MRAS: variants seen among roughly 807,000 people sequenced by gnomAD.
The protein encoded by MRAS is ras-related protein M-Ras.
A neutral mutation model predicts 20.9 loss-of-function variants in MRAS; 4 were observed. The observed-to-expected ratio is 0.19, with a 90% CI of 0.09 to 0.44. The LOEUF (loss-of-function observed/expected upper bound fraction) is 0.44, where lower values mean the gene tolerates loss of function less well. Ranked by LOEUF, MRAS falls within the 20% of genes least tolerant of loss-of-function variation. The pLI, the probability that MRAS is intolerant of heterozygous loss-of-function variation, is 0.99. For missense variants in MRAS, 154 were observed against 277.5 expected, an observed-to-expected ratio of 0.56 and a Z score of 3.16; for synonymous variants, 98 against 102.9, an observed-to-expected ratio of 0.95 and a Z score of 0.29.
intron 1 of MRAS, among the ~76,000 whole-genome samples, chr3:138,367,279 C>T (rs2054580148): frequency 6.6e-6 from 1 of 152,166 alleles, no homozygotes; most frequent in African/African-American, 2.4e-5. Context: ...CTTACACCTT[C>T]CTGGGGCCTT....
In MRAS at chr3:138,353,994, C is replaced by T. The variant is rs117850611; in HGVS notation, c.-19+5227C>T. 2.4e-3 allele frequency among the ~76,000 whole-genome samples: 372 copies of T among 152,306 alleles called. 5 individuals carry two copies. In the East Asian group the frequency reaches 0.052, roughly 21 times the overall value. On this transcript the variant is annotated intron_variant, in intron 1 of 5. Coordinates refer to ENST00000423968, the MANE Select transcript of MRAS (RefSeq NM_001085049.3). The stretch of plus-strand genomic sequence containing the variant: ...GACCAAAAATGTCATGATCCCTTCT[C>T]TCCTGGTGCTTAGGGGACCTATCCC...
chr3:138,357,882 G>T (rs2054367250), intron 1 of MRAS, among the ~76,000 whole-genome samples: 1 of 152,218 alleles, frequency 6.6e-6, no homozygotes, highest in Non-Finnish European at 1.5e-5. Flanking sequence ...GAATGTCTCT[G>T]TGGCTGTCTC....
chr3:138,386,775 G>A (rs958739764), intron 2 of MRAS, among the ~76,000 whole-genome samples: 5 of 152,132 alleles, frequency 3.3e-5, no homozygotes, highest in South Asian at 2.1e-4. Context: ...GAGCCACCGC[G>A]TTCGGCCATA....
At chr3:138,362,673 C>T (rs1276120513) in intron 1 of MRAS, among the ~76,000 whole-genome samples, 1 of 152,182 alleles carries the variant, frequency 6.6e-6, no homozygotes, top group Non-Finnish European at 1.5e-5. Flanking sequence ...GTCCGGGGGC[C>T]TCCAGCACAT....
intron 2 of MRAS, among the ~76,000 whole-genome samples, chr3:138,390,413 T>C (rs2055107861): frequency 6.6e-6 from 1 of 152,186 alleles, no homozygotes; most frequent in Non-Finnish European, 1.5e-5. Context: ...TGGCTGCCTC[T>C]CTGTCTCTGT....
At chr3:138,374,688 A>G (rs1176215962) in intron 2 of MRAS, among the ~76,000 whole-genome samples, 2 of 152,192 alleles carry the variant, frequency 1.3e-5, no homozygotes, top group Admixed American at 6.5e-5. Context: ...GGTCTTTAGC[A>G]TTAAGTATGA....
chr3:138,393,367 A>G (rs1162611823), intron 2 of MRAS, among the ~76,000 whole-genome samples: 2 of 152,062 alleles, frequency 1.3e-5, no homozygotes, highest in African/African-American at 4.8e-5. Flanking sequence ...CACTGGCCTT[A>G]AACTTAACTC....
intron 2 of MRAS, among the ~76,000 whole-genome samples, chr3:138,383,656 G>A (rs547703686): frequency 3.3e-5 from 5 of 152,274 alleles, no homozygotes; most frequent in Non-Finnish European, 7.3e-5. Context: ...TGTGTGAATT[G>A]AACCCTGAGT....
intron 1 of MRAS, among the ~76,000 whole-genome samples, chr3:138,366,238 C>G (rs1034415841): frequency 6.6e-6 from 1 of 152,184 alleles, no homozygotes; most frequent in Non-Finnish European, 1.5e-5. Context: ...GGTTGGGTCA[C>G]TCTCCCCAGC....
chr3:138,368,604 G>A (rs190228891), intron 1 of MRAS, among the ~76,000 whole-genome samples: 1 of 152,192 alleles, frequency 6.6e-6, no homozygotes, highest in East Asian at 1.9e-4. Context: ...ACCTCAAAGG[G>A]TCACATCCAT....
chr3:138,392,988 T>C (rs2055161974), intron 2 of MRAS, among the ~76,000 whole-genome samples: 1 of 152,228 alleles, frequency 6.6e-6, no homozygotes, highest in African/African-American at 2.4e-5. Context: ...CTTAGGAAGT[T>C]TGAGGTTTTA....
chr3:138,384,592 G>A (rs2054972108), intron 2 of MRAS, among the ~76,000 whole-genome samples: 1 of 152,158 alleles, frequency 6.6e-6, no homozygotes, highest in African/African-American at 2.4e-5. Flanking sequence ...GTTAAATCCA[G>A]GATGCCTTTC....
chr3:138,398,845 G>A (rs751621203), intron 4 of MRAS, among the ~76,000 whole-genome samples: 1 of 152,208 alleles, frequency 6.6e-6, no homozygotes, highest in Non-Finnish European at 1.5e-5. Flanking sequence ...GTGATGGGGT[G>A]GGACCACAGG....
intron 1 of MRAS, among the ~76,000 whole-genome samples, chr3:138,357,454 C>T (rs1349572383): frequency 6.6e-6 from 1 of 152,266 alleles, no homozygotes; most frequent in Non-Finnish European, 1.5e-5. Flanking sequence ...ACACTCTGGC[C>T]TTTCTTCTCT....
chr3:138,360,454 G>A (rs2054422924), intron 1 of MRAS, among the ~76,000 whole-genome samples: 1 of 152,236 alleles, frequency 6.6e-6, no homozygotes, highest in South Asian at 2.1e-4. Flanking sequence ...GGGGCTGGGT[G>A]TGGCATCCCC....
chr3:138,348,550 A>C (rs2054160766), upstream of MRAS: 1 of 151,932 alleles, frequency 6.6e-6, no homozygotes, highest in Non-Finnish European at 1.5e-5. Flanking sequence ...CTGTGGCAAT[A>C]TAAGGAATGC....
intron 1 of MRAS, chr3:138,349,595 A>G (rs2054186413): frequency 6.6e-6 from 1 of 152,564 alleles, no homozygotes; most frequent in East Asian, 1.9e-4. Context: ...CATCAAGGCC[A>G]CTGGGGCCTT....
rs927474997 is a variant in MRAS, at chr3:138,372,150, CA to C, written c.-18-707del. Among the ~76,000 whole-genome samples the C allele has an allele frequency of 5.3e-5, 8 of 150,746 alleles. No homozygotes were observed. In the South Asian group the frequency reaches 1.1e-3, roughly 20 times the overall value. ...AGTGGTACCCACTCCATTTTGACAA[CA>C]AAAAAAAATATCTCTAGACATTGCA... On this transcript the variant is annotated intron_variant, in intron 1 of 5. Coordinates refer to ENST00000423968, the MANE Select transcript of MRAS (RefSeq NM_001085049.3).
At chr3:138,379,045 C>T (rs2054844738) in intron 2 of MRAS, among the ~76,000 whole-genome samples, 1 of 152,310 alleles carries the variant, frequency 6.6e-6, no homozygotes, top group Admixed American at 6.5e-5. Flanking sequence ...TACAATTCTT[C>T]TCTTCTAGCT....
Sources: allele counts gnomAD v4.1 joint callset (sites outside exome capture counted in the v4.1 genomes callset), GRCh38; gene constraint gnomAD v4.1.1; transcripts MANE v1.5; gene names NCBI Gene and HGNC (gene_info 2026-07-23, HGNC 2026-07-21).